The following LRP1 variants were observed in gnomAD, a reference collection of about 807,000 sequenced individuals.
The protein encoded by LRP1 is prolow-density lipoprotein receptor-related protein 1.
Under a neutral mutation model 541.5 loss-of-function variants are expected in LRP1, and 51 were observed. The ratio of observed to expected loss-of-function variants is 0.09; its 90% CI spans 0.08 to 0.12. LRP1 has a LOEUF of 0.12. Among genes scored for constraint, LRP1 ranks in the 10% least tolerant of loss-of-function variants. LRP1 has a pLI of 1.00. For synonymous variants in LRP1, 2,219 were observed against 2,470.8 expected (o/e 0.90, Z 3.02); for missense variants, 3,878 against 6,376.2 (o/e 0.61, Z 13.34).
intron 45 of LRP1, 73 bp downstream of exon 45, chr12:57,193,043 A>G: frequency 4.4e-6 from 7 of 1,589,010 alleles, no homozygotes; most frequent in Admixed American, 1.7e-5. Context: ...TCTCCCCTAC[A>G]TGCTCCAGCC....
Position 57,201,374 on chromosome 12 carries a change from T to G in LRP1, c.10346-123T>G. Reference sequence around the variant, plus strand: ...AGCACCAAAACTGGGGATAAACTGTTCCTTCCTCCGAAGAAGTTGCTGGCA... The same window carrying G: ...AGCACCAAAACTGGGGATAAACTGTGCCTTCCTCCGAAGAAGTTGCTGGCA... On this transcript the variant is annotated intron_variant, in intron 65 of 88. Coordinates refer to ENST00000243077, the MANE Select transcript of LRP1 (RefSeq NM_002332.3). The surrounding 1 kb of genome is among the most constrained non-coding windows in gnomAD (Gnocchi z 6.4). 6.9e-7 allele frequency: 1 copy of G among 1,452,314 alleles called. No individual in the cohort carries two copies. The highest frequency in any genetic ancestry group is 1.4e-5 in the African/African-American group (1 of 70,848). 90.0% of individuals were successfully genotyped at this position (1,452,314 alleles called of 1,614,324 possible).
At chr12:57,157,232 G>C (rs34713147) in intron 10 of LRP1, among the ~76,000 whole-genome samples, 3,158 of 152,336 alleles carry the variant, frequency 0.021, 129 homozygotes, top group African/African-American at 0.071. Context: ...GATAGATGTT[G>C]TCCCTGGCCT....
rs377241209 is a variant in LRP1 at position 57,185,608 on chromosome 12, G to C, written c.6541G>C (p.Ala2181Pro). 2 of 1,609,788 alleles carry C rather than the reference G, an allele frequency of 1.2e-6. No homozygotes were observed. The highest frequency in any genetic ancestry group is 1.7e-5 in the Admixed American group (1 of 59,976). Reference sequence around the variant, plus strand: ...CCGGGGCCGTGGGCAGCGGGCCTGCGCCTGTGCCCACGGGATGCTGGCTGA... The same window carrying C: ...CCGGGGCCGTGGGCAGCGGGCCTGCCCCTGTGCCCACGGGATGCTGGCTGA... ...LYRGRGQRAC[A>P]CAHGMLAEDG... Residue 2181 changes from alanine (A) to proline (P), a missense_variant, in exon 41 of 89, where the codon GCC becomes CCC. Physicochemically the swap from Ala to Pro is conservative, Grantham distance 27 (BLOSUM62 -1). Coordinates refer to ENST00000243077, the MANE Select transcript of LRP1 (RefSeq NM_002332.3). This position sits in a 1 kb window ranked among gnomAD's most constrained non-coding sequence, Gnocchi z 4.9.
intron 50 of LRP1, 49 bp downstream of exon 50, chr12:57,194,748 C>G (rs757370624): frequency 2.0e-6 from 3 of 1,517,424 alleles, no homozygotes; most frequent in Non-Finnish European, 2.6e-6. Context: ...TGCTGGGCCC[C>G]ACTTCTTAGT....
chr12:57,197,070 A>G lies in LRP1; in HGVS notation c.8981A>G (p.Gln2994Arg). The part of the protein sequence containing the change: ...DECSTTFPCS[Q>R]RCINTHGSYK... Reference sequence around the variant, plus strand: ...TGCAGCACCACCTTCCCCTGCAGCCAGCGCTGCATCAACACTCATGGCAGC... The same window carrying G: ...TGCAGCACCACCTTCCCCTGCAGCCGGCGCTGCATCAACACTCATGGCAGC... Residue 2994 changes from glutamine (Q) to arginine (R), a missense_variant, in exon 56 of 89, where the codon CAG (glutamine) becomes CGG (arginine). Physicochemically the swap from Gln to Arg is conservative, Grantham distance 43 (BLOSUM62 1). This residue lies in a region of LRP1 where 1,100 missense variants were observed against 1,827.4 expected (regional missense o/e 0.60). Coordinates refer to ENST00000243077, the MANE Select transcript of LRP1 (RefSeq NM_002332.3). This position sits in a 1 kb window ranked among gnomAD's most constrained non-coding sequence, Gnocchi z 4.5. The G allele has an allele frequency of 6.2e-7, 1 of 1,614,042 alleles. No individual in the cohort carries two copies. The highest frequency in any genetic ancestry group is 2.2e-5 in the East Asian group (1 of 44,876).
In LRP1 at chr12:57,206,577, A is replaced by G. The variant is rs2036783935; in HGVS notation, c.11695A>G (p.Ser3899Gly). Residue 3899 changes from serine to glycine, a missense_variant, in exon 76 of 89, where the codon AGT becomes GGT. Ser to Gly is a moderately conservative substitution (Grantham distance 56). Transcript: ENST00000243077. This position sits in a 1 kb window ranked among gnomAD's most constrained non-coding sequence, Gnocchi z 4.7. ...CGAGCAGGCATTCCAGGGTGACGAG[A>G]GTGTCCGCATTGATGCTATGGATGT... ...AYEQAFQGDE[S>G]VRIDAMDVHV... 1.2e-6 allele frequency: 2 copies of G among 1,614,026 alleles called. No individual in the cohort carries two copies. The highest frequency in any genetic ancestry group is 1.7e-6 in the Non-Finnish European group (2 of 1,180,034).
intron 19 of LRP1, among the ~76,000 whole-genome samples, chr12:57,168,553 G>A (rs1374837382): frequency 1.3e-5 from 2 of 152,146 alleles, no homozygotes; most frequent in African/African-American, 4.8e-5. Context: ...TCCACCACAT[G>A]TCCCATAAAT....
rs757941094 is a variant in LRP1 at position 57,198,718 on chromosome 12, T to C, written c.9676+48T>C. ...CCAGGCACAGCAGACTCAGTGGGGA[T>C]GGAGGTCTGAAGCGACAGGGGATCA... On this transcript the variant is annotated intron_variant, in intron 60 of 88. Transcript: ENST00000243077. 6 of 1,542,560 alleles carry C rather than the reference T, an allele frequency of 3.9e-6. No homozygotes were observed. The South Asian group carries it at 5.8e-5, about 15-fold the overall frequency.
At position 57,162,738 on chromosome 12, in the gene LRP1, C is replaced by T; in HGVS notation, c.2405-120C>T. ...GTCTCCTGTTCTTCAACATGATCTTCTTCCTCTCCATATTTCCTCTTTCTG... is the reference window on the plus strand; with the variant it reads ...GTCTCCTGTTCTTCAACATGATCTTTTTCCTCTCCATATTTCCTCTTTCTG... On this transcript the variant is annotated intron_variant, in intron 14 of 88. Transcript: ENST00000243077. The surrounding 1 kb of genome is among the most constrained non-coding windows in gnomAD (Gnocchi z 5.2). 8.6e-7 allele frequency: 1 copy of T among 1,163,576 alleles called. No homozygotes were observed. Among genetic ancestry groups the T allele is most frequent in the African/African-American group, 1.5e-5 (1 of 65,320 alleles). 72.1% of individuals were successfully genotyped at this position (1,163,576 alleles called of 1,614,324 possible). A position where few individuals can be genotyped will look rare whatever the true frequency, so the allele number is the denominator to read the frequency against.
intron 6 of LRP1, among the ~76,000 whole-genome samples, chr12:57,153,311 C>T (rs1031852484): frequency 7.9e-5 from 12 of 152,238 alleles, no homozygotes; most frequent in Admixed American, 5.9e-4. Flanking sequence ...CCTTGACTTC[C>T]GGCCACCCTT....
chr12:57,161,134 G>A lies in LRP1; in HGVS notation c.2202+19G>A. On this transcript the variant is annotated intron_variant, in intron 13 of 88. Transcript: ENST00000243077. ...CCGGAAGGTGGGCAGGCATGTGCCT[G>A]TGTGGGGGAATCTGTGTGTGTTGCT... 1 of 1,607,280 alleles carries A rather than the reference G, an allele frequency of 6.2e-7. No homozygotes were observed. The highest frequency in any genetic ancestry group is 8.5e-7 in the Non-Finnish European group (1 of 1,177,466).
chr12:57,176,415 G>A (rs2036048174), intron 24 of LRP1, among the ~76,000 whole-genome samples: 2 of 152,178 alleles, frequency 1.3e-5, no homozygotes, highest in African/African-American at 4.8e-5. Flanking sequence ...GTACCTGAAC[G>A]CTGCTTTCTG....
intron 1 of LRP1, among the ~76,000 whole-genome samples, chr12:57,133,041 T>C (rs1338819259): frequency 6.6e-6 from 1 of 152,166 alleles, no homozygotes; most frequent in Non-Finnish European, 1.5e-5. Flanking sequence ...CTTGATACCC[T>C]TTGTGGGCTA....
chr12:57,156,982 C>T lies in LRP1; in HGVS notation c.1561+62C>T. The T allele has an allele frequency of 6.8e-7, 1 of 1,474,852 alleles. No individual in the cohort carries two copies. The highest frequency in any genetic ancestry group is 1.4e-5 in the South Asian group (1 of 73,152). The allele number at this position is 1,474,852 out of a possible 1,614,324, so 91.4% of individuals were successfully genotyped here. ...GGCTGCGGGAGGGTTCCTCAGGTGT[C>T]CCCCACAGCCCGGCTGCCTCTGTCT... On this transcript the variant is annotated intron_variant, in intron 10 of 88. Transcript: ENST00000243077. This position sits in a 1 kb window ranked among gnomAD's most constrained non-coding sequence, Gnocchi z 5.2.
At chr12:57,169,635 G>A (rs2035907285) in intron 20 of LRP1, among the ~76,000 whole-genome samples, 1 of 152,214 alleles carries the variant, frequency 6.6e-6, no homozygotes, top group Non-Finnish European at 1.5e-5. Context: ...TGCAAAGTGG[G>A]GTAATAATAG....
intron 42 of LRP1, 86 bp downstream of exon 42, chr12:57,187,542 G>T: frequency 7.6e-7 from 1 of 1,317,356 alleles, no homozygotes; most frequent in Admixed American, 2.2e-5. Context: ...AAGCGGGGGT[G>T]CAGGAGAGGC....
rs781505524 is a variant in LRP1 at position 57,193,669 on chromosome 12, C to T, written c.7788C>T (p.Asp2596=). 1.9e-5 allele frequency: 30 copies of T among 1,614,074 alleles called. No individual in the cohort carries two copies. The South Asian group carries it at 2.4e-4, about 13-fold the overall frequency. Residue 2596 remains aspartate (D), a synonymous_variant, in exon 47 of 89, where the codon GAC becomes GAT. Coordinates refer to ENST00000243077, the MANE Select transcript of LRP1 (RefSeq NM_002332.3). ...NGADDCGDGS[D]EIPCNKTACG... ...CCGACGACTGTGGGGATGGCTCTGA[C>T]GAGATCCCTTGCAACAGTGAGTGAG...
chr12:57,142,798 A>G (rs1376386853), intron 3 of LRP1, among the ~76,000 whole-genome samples: 1 of 152,160 alleles, frequency 6.6e-6, no homozygotes, highest in Non-Finnish European at 1.5e-5. Context: ...AGGCAGCATG[A>G]ATGGCTCTCG....
rs1451205466 is a variant in LRP1, at chr12:57,205,517, C to T, written c.11470+32C>T. The T allele has an allele frequency of 3.1e-6, 5 of 1,613,102 alleles. No individual in the cohort carries two copies. The South Asian group carries it at 4.4e-5, about 14-fold the overall frequency. On this transcript the variant is annotated intron_variant, in intron 74 of 88. Coordinates refer to ENST00000243077, the MANE Select transcript of LRP1 (RefSeq NM_002332.3). This position sits in a 1 kb window ranked among gnomAD's most constrained non-coding sequence, Gnocchi z 4.6. ...AAGCGGGGCAGAGCAGGGGTGGACA[C>T]CCCAACTGTGGACTCTCATGACCCT...
Sources: allele counts gnomAD v4.1 joint callset (sites outside exome capture counted in the v4.1 genomes callset), GRCh38; gene constraint gnomAD v4.1.1; regional missense constraint gnomAD v4.1.1; non-coding constraint Gnocchi (gnomAD v3.1); transcripts MANE v1.5; gene names NCBI Gene and HGNC (gene_info 2026-07-23, HGNC 2026-07-21).